GRIN2A: variants seen among roughly 807,000 people sequenced by gnomAD.
GRIN2A encodes glutamate ionotropic receptor NMDA type subunit 2A, also known as glutamate receptor ionotropic, NMDA 2A.
A neutral mutation model predicts 113.4 loss-of-function variants in GRIN2A; 22 were observed. The observed-to-expected ratio is 0.19, with a 90% CI of 0.14 to 0.28. The LOEUF is 0.28. Among genes scored for constraint, GRIN2A ranks in the 10% least tolerant of loss-of-function variants. GRIN2A has a pLI of 1.00. For synonymous variants in GRIN2A, 827 were observed against 738.4 expected, an observed-to-expected ratio of 1.12 and a Z score of -1.94; for missense variants, 1,502 against 1,887.0, an observed-to-expected ratio of 0.80 and a Z score of 3.78.
At chr16:10,062,503 C>T (rs761011474) in intron 2 of GRIN2A, among the ~76,000 whole-genome samples, 11 of 152,258 alleles carry the variant, frequency 7.2e-5, no homozygotes, top group East Asian at 3.9e-4. Flanking sequence ...AAATAACATT[C>T]GGAAATCTGT....
chr16:10,131,498 A>G (rs2049063979), intron 2 of GRIN2A, among the ~76,000 whole-genome samples: 1 of 150,856 alleles, frequency 6.6e-6, no homozygotes, highest in South Asian at 2.1e-4. Context: ...TGCTCAGGGT[A>G]TAACAATAAA....
At chr16:9,959,068 T>A (rs1427611543) in intron 2 of GRIN2A, among the ~76,000 whole-genome samples, 1 of 152,202 alleles carries the variant, frequency 6.6e-6, no homozygotes, top group Admixed American at 6.5e-5. Context: ...GAACAACTGC[T>A]AGGAGCCTCT....
At chr16:10,046,957 T>A (rs1265482211) in intron 2 of GRIN2A, among the ~76,000 whole-genome samples, 1 of 152,182 alleles carries the variant, frequency 6.6e-6, no homozygotes, top group Non-Finnish European at 1.5e-5. Context: ...GCTGGTTAAT[T>A]CTGTGTGGAA....
intron 2 of GRIN2A, among the ~76,000 whole-genome samples, chr16:10,049,412 C>G (rs943129801): frequency 7.9e-5 from 12 of 151,648 alleles, no homozygotes; most frequent in African/African-American, 2.9e-4. Flanking sequence ...GAGTCTTGCT[C>G]TGTTGACCAG....
At chr16:10,064,376 C>A (rs910590728) in intron 2 of GRIN2A, among the ~76,000 whole-genome samples, 1 of 152,176 alleles carries the variant, frequency 6.6e-6, no homozygotes. Flanking sequence ...TCTTCACTCC[C>A]TGGGGACTGA....
At chr16:10,015,792 C>G (rs1330281148) in intron 2 of GRIN2A, among the ~76,000 whole-genome samples, 1 of 152,150 alleles carries the variant, frequency 6.6e-6, no homozygotes, top group Non-Finnish European at 1.5e-5. Flanking sequence ...AGGCAATTCA[C>G]CATCAGTGTG....
intron 2 of GRIN2A, among the ~76,000 whole-genome samples, chr16:9,962,163 A>T (rs530944657): frequency 6.6e-6 from 1 of 152,342 alleles, no homozygotes; most frequent in Non-Finnish European, 1.5e-5. Context: ...AAAACCCTAG[A>T]AGAAAACCTA....
At chr16:9,795,343 T>C (rs148446191) in intron 11 of GRIN2A, among the ~76,000 whole-genome samples, 11 of 152,220 alleles carry the variant, frequency 7.2e-5, no homozygotes, top group African/African-American at 2.6e-4. Flanking sequence ...CATGACAGTT[T>C]ACAAATGCCA....
At chr16:10,088,264 G>C (rs886687442) in intron 2 of GRIN2A, among the ~76,000 whole-genome samples, 1 of 152,038 alleles carries the variant, frequency 6.6e-6, no homozygotes, top group African/African-American at 2.4e-5. Flanking sequence ...CCTAAGCTTC[G>C]GCCTGGAAAT....
At chr16:9,769,162 G>T in intron 11 of GRIN2A, 73 bp from the exon 12 acceptor site, 1 of 1,182,860 alleles carries the variant, frequency 8.5e-7, no homozygotes, top group Non-Finnish European at 1.3e-6. Flanking sequence ...TCTGGGTTTG[G>T]AACAGACGAT....
intron 2 of GRIN2A, among the ~76,000 whole-genome samples, chr16:9,968,813 G>C (rs969775687): frequency 2.0e-5 from 3 of 152,014 alleles, no homozygotes; most frequent in Non-Finnish European, 2.9e-5. Context: ...CTCCATGTTG[G>C]TCAGGCTGGT....
At chr16:9,910,167 A>G (rs1004373048) in intron 3 of GRIN2A, among the ~76,000 whole-genome samples, 3 of 152,022 alleles carry the variant, frequency 2.0e-5, no homozygotes, top group Non-Finnish European at 2.9e-5. Flanking sequence ...GGAACATTCT[A>G]GTACAAGTTT....
At chr16:9,859,116 T>C (rs1019912720) in intron 4 of GRIN2A, among the ~76,000 whole-genome samples, 5 of 152,140 alleles carry the variant, frequency 3.3e-5, no homozygotes, top group Admixed American at 1.3e-4. Context: ...AGCTCTTCTA[T>C]AATACAGGCC....
chr16:10,031,126 G>A (rs2141925022), intron 2 of GRIN2A, among the ~76,000 whole-genome samples: 1 of 152,214 alleles, frequency 6.6e-6, no homozygotes, highest in East Asian at 1.9e-4. Flanking sequence ...CCCAGATCTG[G>A]CTTCCAATGG....
intron 8 of GRIN2A, among the ~76,000 whole-genome samples, chr16:9,831,203 TC>T (rs1279471932): frequency 1.3e-5 from 2 of 152,186 alleles, no homozygotes; most frequent in African/African-American, 4.8e-5. Flanking sequence ...ACTGATGCCA[TC>T]CTTTACAATA....
chr16:10,095,336 A>G (rs1353389097), intron 2 of GRIN2A, among the ~76,000 whole-genome samples: 1 of 152,262 alleles, frequency 6.6e-6, no homozygotes, highest in African/African-American at 2.4e-5. Flanking sequence ...AAAGAATACA[A>G]GAGCCAGGTT....
At chr16:9,952,658 G>A (rs1351966744) in intron 2 of GRIN2A, among the ~76,000 whole-genome samples, 1 of 152,024 alleles carries the variant, frequency 6.6e-6, no homozygotes, top group Non-Finnish European at 1.5e-5. Context: ...TCTGTTCAAT[G>A]TCCTATTTGA....
chr16:9,802,150 A>G (rs1567308147), intron 10 of GRIN2A, among the ~76,000 whole-genome samples: 1 of 151,582 alleles, frequency 6.6e-6, no homozygotes, highest in Non-Finnish European at 1.5e-5. Context: ...CATTGTGGAA[A>G]GCAGTGTGGC....
intron 4 of GRIN2A, among the ~76,000 whole-genome samples, chr16:9,874,395 A>G (rs1005326741): frequency 2.0e-5 from 3 of 152,188 alleles, no homozygotes; most frequent in East Asian, 3.8e-4. Flanking sequence ...ACTGATTAGG[A>G]GGCAGATTTG....
Sources: allele counts gnomAD v4.1 joint callset (sites outside exome capture counted in the v4.1 genomes callset), GRCh38; gene constraint gnomAD v4.1.1; transcripts MANE v1.5; gene names NCBI Gene and HGNC (gene_info 2026-07-23, HGNC 2026-07-21).